GSTZ1: variants seen among roughly 807,000 people sequenced by gnomAD.
GSTZ1 encodes glutathione S-transferase zeta 1.
GSTZ1 carries 34 observed loss-of-function variants against 35.9 expected under a neutral mutation model. That is an observed-to-expected ratio of 0.95 (90% confidence interval 0.72 to 1.26). The LOEUF (loss-of-function observed/expected upper bound fraction) is 1.26. Among genes scored for constraint, GSTZ1 ranks in the 50% most tolerant of loss-of-function variants. GSTZ1 has a pLI of 0.00. For missense variants in GSTZ1, 263 were observed against 271.7 expected (o/e 0.97, Z 0.23); for synonymous variants, 93 against 101.2 (o/e 0.92, Z 0.49).
intron 5 of GSTZ1, chr14:77,328,326 C>T: frequency 2.3e-6 from 1 of 435,376 alleles, no homozygotes; most frequent in Non-Finnish European, 4.2e-6. Context: ...TGAGCAGGCC[C>T]CAGTCCAGGC....
chr14:77,321,159 G>A lies in GSTZ1; in HGVS notation c.-10G>A, dbSNP rs1351171223. 3.0e-5 allele frequency: 44 copies of A among 1,455,460 alleles called. No homozygotes were observed. The highest frequency in any genetic ancestry group is 5.1e-5 in the East Asian group (2 of 39,008). The allele number at this position is 1,455,460 out of a possible 1,614,324, so 90.2% of individuals were successfully genotyped here. On this transcript the variant is annotated 5_prime_UTR_variant, in exon 1 of 9. Coordinates refer to ENST00000216465, the MANE Select transcript of GSTZ1 (RefSeq NM_145870.3). ...CTCGGCCTGGAGGAGGGGGTCGCGC[G>A]AAGTGCCAGATGCAGGCGGGGAAGG...
At chr14:77,329,254 C>T (rs1225558542) in intron 6 of GSTZ1, 53 bp downstream of exon 6, 3 of 1,168,310 alleles carry the variant, frequency 2.6e-6, no homozygotes, top group Non-Finnish European at 3.9e-6. Flanking sequence ...GAGGTATGGC[C>T]CTCGCACACA....
At position 77,330,827 on chromosome 14, in the gene GSTZ1, A is replaced by G. The variant is rs8177574; in HGVS notation, c.525-242A>G. ...GGGGGAAGAGAGTCTGTATATATAA[A>G]TGCCTAGCACTGGGCCTTACACATA... On this transcript the variant is annotated intron_variant, in intron 8 of 8. Coordinates refer to ENST00000216465, the MANE Select transcript of GSTZ1 (RefSeq NM_145870.3). 5.6e-3 allele frequency among the ~76,000 whole-genome samples: 849 copies of G among 152,240 alleles called. 6 individuals carry two copies. The highest frequency in any genetic ancestry group is 0.019 in the African/African-American group (807 of 41,516).
chr14:77,329,124 A>T lies in GSTZ1; in HGVS notation c.344A>T (p.Asn115Ile). Residue 115 changes from asparagine (N) to isoleucine (I), a missense_variant and splice_region_variant, in exon 6 of 9, where the codon AAC (asparagine) becomes ATC (isoleucine). By Grantham distance (149) the Asn-to-Ile change is moderately radical. Coordinates refer to ENST00000216465, the MANE Select transcript of GSTZ1 (RefSeq NM_145870.3). Reference protein sequence around the residue: ...LIAGGIQPLQNLSVLKQVGEE... With the variant: ...LIAGGIQPLQILSVLKQVGEE... Reference sequence around the variant, plus strand: ...ACAGATTTTCTTTGGGCTGCACAGAACCTGTCTGTCCTGAAGCAAGTGGGA... The same window carrying T: ...ACAGATTTTCTTTGGGCTGCACAGATCCTGTCTGTCCTGAAGCAAGTGGGA... 6.2e-7 allele frequency: 1 copy of T among 1,609,482 alleles called. No individual in the cohort carries two copies. Among genetic ancestry groups the T allele is most frequent in the Non-Finnish European group, 8.5e-7 (1 of 1,175,732 alleles).
chr14:77,324,671 C>A (rs904847239), intron 1 of GSTZ1, 199 bp from the exon 2 acceptor site: 4 of 1,359,606 alleles, frequency 2.9e-6, no homozygotes, highest in African/African-American at 2.9e-5. Context: ...GCCTCTTGGA[C>A]CTCAGGAGCT....
intron 1 of GSTZ1, 81 bp downstream of exon 1, chr14:77,321,264 C>G (rs775549096): frequency 6.4e-5 from 97 of 1,526,174 alleles, no homozygotes; most frequent in Non-Finnish European, 7.7e-5. Flanking sequence ...GTGAGCTGCA[C>G]CGCCCGCCCA....
At chr14:77,329,605 C>T (rs1490501863) in intron 6 of GSTZ1, 150 bp from the exon 7 acceptor site, 21 of 684,088 alleles carry the variant, frequency 3.1e-5, no homozygotes, top group South Asian at 1.3e-4. Flanking sequence ...ACAGCTCTCT[C>T]GAGACCTGGC....
intron 1 of GSTZ1, chr14:77,321,391 C>T: frequency 6.5e-7 from 1 of 1,529,476 alleles, no homozygotes; most frequent in Non-Finnish European, 8.7e-7. Context: ...AGGAGGCGGT[C>T]CTGGTAGGGA....
chr14:77,321,464 C>T (rs977796535), intron 1 of GSTZ1: 86 of 1,508,438 alleles, frequency 5.7e-5, no homozygotes, highest in Non-Finnish European at 6.7e-5. Flanking sequence ...CTCCCTGCTC[C>T]CCATAACAGA....
chr14:77,321,273 C>G (rs1159186598), intron 1 of GSTZ1, 90 bp downstream of exon 1: 1 of 1,524,872 alleles, frequency 6.6e-7, no homozygotes, highest in Non-Finnish European at 8.9e-7. Flanking sequence ...ACCGCCCGCC[C>G]AGGCCGACAA....
Position 77,331,169 on chromosome 14 carries a change from G to C in GSTZ1, c.625G>C (p.Asp209His), listed in dbSNP as rs774165972. 2.9e-5 allele frequency: 47 copies of C among 1,614,070 alleles called. 1 individual carries two copies. In the South Asian group the frequency reaches 4.3e-4, roughly 15 times the overall value. The change falls in exon 9 of 9, where the codon GAT becomes CAT. Residue 209 changes from aspartate to histidine, a missense_variant. By Grantham distance (81) the Asp-to-His change is moderately conservative (BLOSUM62 -1). Transcript: ENST00000216465. The stretch of plus-strand genomic sequence containing the variant: ...GGTGTCTCACCCCTGCCGGCAGCCA[G>C]ATACACCCACTGAGCTGAGGGCCTA... ...FQVSHPCRQP[D>H]TPTELRA
chr14:77,329,282 A>G (rs747436622), intron 6 of GSTZ1, 81 bp downstream of exon 6: 18 of 962,024 alleles, frequency 1.9e-5, no homozygotes, highest in Non-Finnish European at 3.1e-5. Flanking sequence ...GGGTATCTGA[A>G]CCAGCCTCCC....
rs759911020 is a variant in GSTZ1 at position 77,327,551 on chromosome 14, C to G, written c.215C>G (p.Ser72Ter). Reference sequence around the variant, plus strand: ...ATTGATGGAATCACCATTCACCAGTCAGTGAGTGCAGGGCCTGGGGGAGGG... The same window carrying G: ...ATTGATGGAATCACCATTCACCAGTGAGTGAGTGCAGGGCCTGGGGGAGGG... ...LKIDGITIHQ[S>*]LAIIEYLEEM... The change falls in exon 4 of 9, where the codon TCA (serine) becomes TGA (stop). Residue 72 changes from serine (S) to a stop codon, truncating the protein, a stop_gained and splice_region_variant. Transcript: ENST00000216465. LOFTEE classifies it high-confidence loss of function. 34 of 1,593,990 alleles carry G rather than the reference C, an allele frequency of 2.1e-5. No individual in the cohort carries two copies. Among genetic ancestry groups the G allele is most frequent in the South Asian group, 1.0e-4 (9 of 89,162 alleles).
chr14:77,324,112 C>A (rs1357503981), intron 1 of GSTZ1: 1 of 171,956 alleles, frequency 5.8e-6, no homozygotes, highest in Non-Finnish European at 1.3e-5. Flanking sequence ...CTGGCCCCAG[C>A]AGGAGCGTAA....
At chr14:77,329,573 A>G in intron 6 of GSTZ1, 182 bp from the exon 7 acceptor site, 2 of 616,712 alleles carry the variant, frequency 3.2e-6, no homozygotes, top group Non-Finnish European at 5.8e-6. Flanking sequence ...GCGGAGCCTC[A>G]GGAAACAGCA....
chr14:77,329,345 A>G lies in GSTZ1; in HGVS notation c.421+144A>G, dbSNP rs892159280. On this transcript the variant is annotated intron_variant, in intron 6 of 8. Transcript: ENST00000216465. ...GGATGAGGGCAGGACTGGGGAGGCA[A>G]TGGGCTGGGTGGGCATCCAGACCTT... 5.9e-6 allele frequency: 4 copies of G among 676,388 alleles called. No individual in the cohort carries two copies. The African/African-American group carries it at 7.1e-5, about 12-fold the overall frequency. 41.9% of individuals were successfully genotyped at this position (676,388 alleles called of 1,614,324 possible).
intron 2 of GSTZ1, 129 bp from the exon 3 acceptor site, chr14:77,326,709 C>G: frequency 1.5e-6 from 1 of 650,950 alleles, no homozygotes; most frequent in Non-Finnish European, 2.7e-6. Context: ...CCACGGTGAG[C>G]CTTGACCACC....
chr14:77,327,461 T>G lies in GSTZ1; in HGVS notation c.136-11T>G, dbSNP rs202209415. The G allele has an allele frequency of 1.3e-6, 2 of 1,593,444 alleles. No individual in the cohort carries two copies. The highest frequency in any genetic ancestry group is 2.7e-5 in the African/African-American group (2 of 74,808). On this transcript the variant is annotated splice_polypyrimidine_tract_variant and intron_variant, in intron 3 of 8. Coordinates refer to ENST00000216465, the MANE Select transcript of GSTZ1 (RefSeq NM_145870.3). ...CAGGCCACCCAGCCCACCAGGGCCT[T>G]GTCTCCACAGTTTTCTAAGGACTTC... is the stretch of plus-strand genomic sequence containing the variant.
At chr14:77,322,136 A>G (rs1164783490) in intron 1 of GSTZ1, among the ~76,000 whole-genome samples, 1 of 152,214 alleles carries the variant, frequency 6.6e-6, no homozygotes, top group African/African-American at 2.4e-5. Context: ...CACGTTAATA[A>G]TGTATAGTCC....
Sources: allele counts gnomAD v4.1 joint callset (sites outside exome capture counted in the v4.1 genomes callset), GRCh38; gene constraint gnomAD v4.1.1; transcripts MANE v1.5; gene names NCBI Gene and HGNC (gene_info 2026-07-23, HGNC 2026-07-21).